PDGFRL: variants seen among roughly 807,000 people sequenced by gnomAD.
PDGFRL encodes platelet derived growth factor receptor like, also known as platelet-derived growth factor receptor-like protein.
In PDGFRL, 46 loss-of-function variants were observed where a neutral mutation model predicts 37.2. The ratio of observed to expected loss-of-function variants is 1.24; its 90% CI spans 0.98 to 1.58. PDGFRL has a LOEUF of 1.58. Among genes scored for constraint, PDGFRL ranks in the 40% most tolerant of loss-of-function variants. PDGFRL has a pLI of 0.00. For missense variants in PDGFRL, 692 were observed against 467.6 expected (o/e 1.48, Z -4.43); for synonymous variants, 251 against 184.3 (o/e 1.36, Z -2.93).
chr8:17,601,088 C>A (rs931186723), intron 2 of PDGFRL, among the ~76,000 whole-genome samples: 1 of 152,182 alleles, frequency 6.6e-6, no homozygotes, highest in Non-Finnish European at 1.5e-5. Context: ...TTGCTCTTGA[C>A]CAGAGGCCCG....
chr8:17,579,326 G>A (rs1330786822), intron 1 of PDGFRL, among the ~76,000 whole-genome samples: 1 of 151,984 alleles, frequency 6.6e-6, no homozygotes, highest in Non-Finnish European at 1.5e-5. Flanking sequence ...AATGGTTTTT[G>A]GTTTTGAGTT....
chr8:17,613,739 C>A (rs1346917038), intron 2 of PDGFRL, among the ~76,000 whole-genome samples: 5 of 152,080 alleles, frequency 3.3e-5, no homozygotes, highest in Admixed American at 1.3e-4. Context: ...ATTAGCCAGG[C>A]ATGGTAGTGT....
At chr8:17,609,333 C>T (rs1804353822) in intron 2 of PDGFRL, among the ~76,000 whole-genome samples, 1 of 151,976 alleles carries the variant, frequency 6.6e-6, no homozygotes, top group Non-Finnish European at 1.5e-5. Context: ...ATGATGAAAC[C>T]CTATGTCTAC....
At position 17,621,174 on chromosome 8, in the gene PDGFRL, A is replaced by C; in HGVS notation, c.477A>C (p.Lys159Asn). The C allele has an allele frequency of 6.2e-7, 1 of 1,610,174 alleles. No homozygotes were observed. Among genetic ancestry groups the C allele is most frequent in the Non-Finnish European group, 8.5e-7 (1 of 1,177,402 alleles). Residue 159 changes from lysine to asparagine, a missense_variant, in exon 3 of 6, where the codon AAA becomes AAC. By Grantham distance (94) the Lys-to-Asn change is moderately conservative (BLOSUM62 0). Coordinates refer to ENST00000251630, the MANE Select transcript of PDGFRL (RefSeq NM_001372073.1). ...SGYICRKDEA[K>N]TGSTYIFFTE... ...ACATCTGCAGGAAGGACGAGGCCAA[A>C]ACGGGCTCCACCTACATCTTTTTTA... is the stretch of plus-strand genomic sequence containing the variant.
chr8:17,598,845 T>A (rs2150819565), intron 2 of PDGFRL, among the ~76,000 whole-genome samples: 1 of 152,302 alleles, frequency 6.6e-6, no homozygotes, highest in South Asian at 2.1e-4. Context: ...CATGGTTTTC[T>A]AAGGGGAAAC....
intron 3 of PDGFRL, among the ~76,000 whole-genome samples, chr8:17,623,789 G>A (rs1041988686): frequency 6.0e-5 from 9 of 150,312 alleles, no homozygotes; most frequent in Non-Finnish European, 1.0e-4. Flanking sequence ...CAGGAGGATC[G>A]CCTGAATCTC....
chr8:17,619,649 C>G (rs1216138669), intron 2 of PDGFRL, among the ~76,000 whole-genome samples: 1 of 152,114 alleles, frequency 6.6e-6, no homozygotes, highest in Non-Finnish European at 1.5e-5. Context: ...GTGTAAGATT[C>G]TAAGAGTTAA....
Position 17,628,606 on chromosome 8 carries a change from A to T in PDGFRL, c.625A>T (p.Arg209Trp). 3 of 1,614,158 alleles carry T rather than the reference A, an allele frequency of 1.9e-6. No individual in the cohort carries two copies. Among genetic ancestry groups the T allele is most frequent in the Non-Finnish European group, 2.5e-6 (3 of 1,180,018 alleles). The stretch of plus-strand genomic sequence containing the variant: ...GCTGTCGGCCAAAGTCACGCTCCAC[A>T]GGGAATTCCCAGCCAAGGAGATCCC... ...TVLSAKVTLH[R>W]EFPAKEIPAN... The change falls in exon 4 of 6, where the codon AGG becomes TGG. Residue 209 changes from arginine (R) to tryptophan (W), a missense_variant. Coordinates refer to ENST00000251630, the MANE Select transcript of PDGFRL (RefSeq NM_001372073.1).
intron 1 of PDGFRL, among the ~76,000 whole-genome samples, chr8:17,579,903 G>A (rs7002459): frequency 7.9e-5 from 12 of 151,838 alleles, no homozygotes; most frequent in Admixed American, 2.6e-4. Context: ...AAGATTCCAC[G>A]TTGAGATGTC....
rs1007730848 is a variant in PDGFRL at position 17,633,934 on chromosome 8, C to T, written c.800-140C>T. On this transcript the variant is annotated intron_variant, in intron 4 of 5. Transcript: ENST00000251630. ...CAAAGGAAGCCCCAAGTTGTGGGCT[C>T]ACACTGTCCTCGCACTGGTCAGGGA... is the stretch of plus-strand genomic sequence containing the variant. 1.3e-5 allele frequency: 11 copies of T among 859,624 alleles called. No individual in the cohort carries two copies. In the East Asian group the frequency reaches 2.2e-4, roughly 17 times the overall value. The allele number at this position is 859,624 out of a possible 1,614,324, so 53.2% of individuals were successfully genotyped here. A position where few individuals can be genotyped will look rare whatever the true frequency, so the allele number is the denominator to read the frequency against.
chr8:17,581,601 C>G (rs1426387727), intron 1 of PDGFRL, among the ~76,000 whole-genome samples: 1 of 151,898 alleles, frequency 6.6e-6, no homozygotes, highest in African/African-American at 2.4e-5. Flanking sequence ...TAATGCCTTC[C>G]CTTGGGGATG....
intron 3 of PDGFRL, among the ~76,000 whole-genome samples, chr8:17,621,637 T>G (rs1332374214): frequency 3.3e-5 from 5 of 152,206 alleles, no homozygotes; most frequent in Non-Finnish European, 7.3e-5. Flanking sequence ...ACATTTCAAG[T>G]GCTCAACTGT....
Position 17,577,404 on chromosome 8 carries a change from T to TTCGGCCCTCGGTGGC in PDGFRL, c.55+100_55+114dup, listed in dbSNP as rs1307775336. 9.3e-6 allele frequency: 10 copies of TTCGGCCCTCGGTGGC among 1,072,102 alleles called. No individual in the cohort carries two copies. In the South Asian group the frequency reaches 1.1e-4, roughly 11 times the overall value. 66.4% of individuals were successfully genotyped at this position (1,072,102 alleles called of 1,614,324 possible). On this transcript the variant is annotated intron_variant, in intron 1 of 5. Coordinates refer to ENST00000251630, the MANE Select transcript of PDGFRL (RefSeq NM_001372073.1). ...CCTCCTGCCAGCTCTTGGTCTAACGTTCGGCCCTCGGTGGCTCAGCCCCCG... is the reference window on the plus strand; with the variant it reads ...CCTCCTGCCAGCTCTTGGTCTAACGTTCGGCCCTCGGTGGCTCGGCCCTCGGTGGCTCAGCCCCCG...
At chr8:17,588,441 C>T (rs1803861943) in intron 1 of PDGFRL, among the ~76,000 whole-genome samples, 1 of 151,882 alleles carries the variant, frequency 6.6e-6, no homozygotes, top group South Asian at 2.1e-4. Context: ...CTTTGGGAGG[C>T]CTACGTGGGA....
chr8:17,632,529 G>A (rs1406304622), intron 4 of PDGFRL, among the ~76,000 whole-genome samples: 1 of 152,062 alleles, frequency 6.6e-6, no homozygotes, highest in Non-Finnish European at 1.5e-5. Flanking sequence ...TAGAGATGGG[G>A]TTTTACCATG....
At position 17,577,228 on chromosome 8, in the gene PDGFRL, C is replaced by T. The variant is rs1161195948; in HGVS notation, c.-25C>T. The T allele has an allele frequency of 1.9e-6, 3 of 1,609,112 alleles. No homozygotes were observed. Among genetic ancestry groups the T allele is most frequent in the Non-Finnish European group, 2.5e-6 (3 of 1,178,104 alleles). On this transcript the variant is annotated 5_prime_UTR_variant, in exon 1 of 6. Transcript: ENST00000251630. ...GCCCCGCGCAGCCGCCGCGCTCCTG[C>T]GCTCCGAGGTCCGAGGTTCCCGAGA...
chr8:17,642,593 TTG>T lies in PDGFRL; in HGVS notation c.940-17_940-16del. 1 of 1,542,004 alleles carries T rather than the reference TTG, an allele frequency of 6.5e-7. No individual in the cohort carries two copies. The highest frequency in any genetic ancestry group is 1.1e-5 in the South Asian group (1 of 89,352). ...CAGCTTGTCCCTCTTGCTTCAGTCT[TTG>T]TGGGTGTCGTTAAACAGGATGAAAG... On this transcript the variant is annotated intron_variant, in intron 5 of 5. Coordinates refer to ENST00000251630, the MANE Select transcript of PDGFRL (RefSeq NM_001372073.1).
At position 17,578,274 on chromosome 8, in the gene PDGFRL, C is replaced by G. The variant is rs527469461; in HGVS notation, c.55+967C>G. ...GCTTTTGCTGTTATGCAACTTCATGCTGGAGCCAGCTCGACCTGGCTCACA... is the reference window on the plus strand; with the variant it reads ...GCTTTTGCTGTTATGCAACTTCATGGTGGAGCCAGCTCGACCTGGCTCACA... On this transcript the variant is annotated intron_variant, in intron 1 of 5. Coordinates refer to ENST00000251630, the MANE Select transcript of PDGFRL (RefSeq NM_001372073.1). Among the ~76,000 whole-genome samples the G allele has an allele frequency of 2.3e-3, 357 of 152,288 alleles. 2 individuals are homozygous for G. Among genetic ancestry groups the G allele is most frequent in the Non-Finnish European group, 4.0e-3 (270 of 68,024 alleles).
rs1270325693 is a variant in PDGFRL, at chr8:17,589,536, A to G, written c.124A>G (p.Asn42Asp). ...AGGAGAGAATAGAATCAAACCTACCAACAAGAAGGTGAAGCCCAAAATTCC... is the reference window on the plus strand; with the variant it reads ...AGGAGAGAATAGAATCAAACCTACCGACAAGAAGGTGAAGCCCAAAATTCC... ...EPGENRIKPT[N>D]KKVKPKIPKM... Residue 42 changes from asparagine (N) to aspartate (D), a missense_variant, in exon 2 of 6, where the codon AAC (asparagine) becomes GAC (aspartate). By Grantham distance (23) the Asn-to-Asp change is conservative. Transcript: ENST00000251630. 1.9e-6 allele frequency: 3 copies of G among 1,613,586 alleles called. No homozygotes were observed. Among genetic ancestry groups the G allele is most frequent in the Non-Finnish European group, 2.5e-6 (3 of 1,179,548 alleles).
Sources: gnomAD v4.1 joint callset for allele counts (sites outside exome capture counted in the v4.1 genomes callset) on GRCh38, gnomAD v4.1.1 for gene constraint, MANE v1.5 for transcripts, NCBI Gene and HGNC (gene_info 2026-07-23, HGNC 2026-07-21) for gene names.